Variants in AKAP6 observed in about 807,000 individuals in gnomAD.
AKAP6 encodes A-kinase anchoring protein 6.
In AKAP6, 58 loss-of-function variants were observed where a neutral mutation model predicts 188.5. The ratio of observed to expected loss-of-function variants is 0.31; its 90% CI spans 0.25 to 0.38. The LOEUF (loss-of-function observed/expected upper bound fraction) is 0.38, where lower values mean the gene tolerates loss of function less well. AKAP6 is among the 10% of genes least tolerant of loss of function. The pLI is 1.00. For missense variants in AKAP6, 2,710 were observed against 2,740.0 expected, an observed-to-expected ratio of 0.99 and a Z score of 0.24; for synonymous variants, 989 against 998.6, an observed-to-expected ratio of 0.99 and a Z score of 0.18.
At chr14:32,689,739 A>G (rs1377066859) in intron 8 of AKAP6, among the ~76,000 whole-genome samples, 2 of 152,110 alleles carry the variant, frequency 1.3e-5, no homozygotes, top group Non-Finnish European at 2.9e-5. Flanking sequence ...TATATGACAC[A>G]TGGAGTAGAG....
At chr14:32,826,829 G>T (rs1038229095) in intron 13 of AKAP6, among the ~76,000 whole-genome samples, 5 of 152,188 alleles carry the variant, frequency 3.3e-5, no homozygotes, top group African/African-American at 1.2e-4. Context: ...CAGCCCGTCT[G>T]CCAGTCAGCA....
intron 12 of AKAP6, among the ~76,000 whole-genome samples, chr14:32,780,078 T>C (rs540349829): frequency 4.5e-4 from 67 of 150,512 alleles, no homozygotes; most frequent in African/African-American, 1.6e-3. Flanking sequence ...GCTCATTGCA[T>C]CATTATTTAT....
chr14:32,622,328 A>G (rs1427888671), intron 7 of AKAP6, among the ~76,000 whole-genome samples: 3 of 152,202 alleles, frequency 2.0e-5, no homozygotes, highest in Non-Finnish European at 4.4e-5. Flanking sequence ...ATGCTTTGAA[A>G]GAAAACTTTA....
At chr14:32,481,769 A>G (rs1879357527) in intron 2 of AKAP6, among the ~76,000 whole-genome samples, 1 of 152,172 alleles carries the variant, frequency 6.6e-6, no homozygotes, top group Admixed American at 6.5e-5. Flanking sequence ...AAGCTGTAAC[A>G]TCTCCCAGCC....
At chr14:32,437,495 C>A (rs990157241) in intron 2 of AKAP6, among the ~76,000 whole-genome samples, 3 of 152,140 alleles carry the variant, frequency 2.0e-5, no homozygotes, top group Non-Finnish European at 4.4e-5. Context: ...TCTGTCTCAG[C>A]TCTTTAATTA....
chr14:32,521,223 C>A (rs964709116), intron 2 of AKAP6, among the ~76,000 whole-genome samples: 1 of 152,070 alleles, frequency 6.6e-6, no homozygotes, highest in Non-Finnish European at 1.5e-5. Flanking sequence ...AACTCACAGC[C>A]AATATCATAC....
intron 1 of AKAP6, among the ~76,000 whole-genome samples, chr14:32,379,311 G>A (rs1054347336): frequency 2.0e-5 from 3 of 152,156 alleles, no homozygotes; most frequent in African/African-American, 7.2e-5. Context: ...GAGCAAGGTA[G>A]AAAGCTATTT....
chr14:32,745,850 G>A lies in AKAP6; in HGVS notation c.3372+9968G>A, dbSNP rs117512302. 4.8e-3 allele frequency among the ~76,000 whole-genome samples: 732 copies of A among 152,248 alleles called. 5 individuals are homozygous for A. Among genetic ancestry groups the A allele is most frequent in the Non-Finnish European group, 8.0e-3 (541 of 68,010 alleles). ...GCCTTAGAAGTCTACCAGGTGTTCT[G>A]TTTTACTGTGGCTGCACTGGCACTC... On this transcript the variant is annotated intron_variant, in intron 11 of 13. Coordinates refer to ENST00000280979, the MANE Select transcript of AKAP6 (RefSeq NM_004274.5).
chr14:32,490,722 G>A (rs544618584), intron 2 of AKAP6, among the ~76,000 whole-genome samples: 30 of 152,186 alleles, frequency 2.0e-4, no homozygotes, highest in African/African-American at 7.2e-4. Flanking sequence ...AAGACCTTGA[G>A]GGGGAAAATG....
At chr14:32,701,137 A>C (rs1890605222) in intron 9 of AKAP6, among the ~76,000 whole-genome samples, 1 of 152,196 alleles carries the variant, frequency 6.6e-6, no homozygotes, top group South Asian at 2.1e-4. Flanking sequence ...AAACAGATCA[A>C]TTACATTTTT....
intron 2 of AKAP6, among the ~76,000 whole-genome samples, chr14:32,472,930 A>G (rs186862642): frequency 1.3e-5 from 2 of 152,362 alleles, no homozygotes; most frequent in Admixed American, 1.3e-4. Flanking sequence ...CCTAATGCTT[A>G]GAAATGTTTG....
In AKAP6 at chr14:32,436,635, A is replaced by G. The variant is rs549846926; in HGVS notation, c.324+2818A>G. On this transcript the variant is annotated intron_variant, in intron 2 of 13. Coordinates refer to ENST00000280979, the MANE Select transcript of AKAP6 (RefSeq NM_004274.5). Reference sequence around the variant, plus strand: ...CAGTTTATTCTCCACCCAGTAGCCAATGGGATCTTTTAAATACGTAAACAA... The same window carrying G: ...CAGTTTATTCTCCACCCAGTAGCCAGTGGGATCTTTTAAATACGTAAACAA... 5.9e-5 allele frequency among the ~76,000 whole-genome samples: 9 copies of G among 152,256 alleles called. No individual in the cohort carries two copies. In the South Asian group the frequency reaches 1.9e-3, roughly 32 times the overall value.
At position 32,678,309 on chromosome 14, in the gene AKAP6, A is replaced by T. The variant is rs1406648033; in HGVS notation, c.2731-2A>T. On this transcript the variant is annotated splice_acceptor_variant, in intron 7 of 13. Coordinates refer to ENST00000280979, the MANE Select transcript of AKAP6 (RefSeq NM_004274.5). LOFTEE classifies it high-confidence loss of function. Reference sequence around the variant, plus strand: ...GCAATTTCTCTTTGTTTCTCTTTCCAGGCTGAGGTTCAACTATGCTACCTG... The same window carrying T: ...GCAATTTCTCTTTGTTTCTCTTTCCTGGCTGAGGTTCAACTATGCTACCTG... 4 of 1,605,046 alleles carry T rather than the reference A, an allele frequency of 2.5e-6. No individual in the cohort carries two copies. Among genetic ancestry groups the T allele is most frequent in the African/African-American group, 2.7e-5 (2 of 74,908 alleles).
At chr14:32,773,648 C>G (rs2139993052) in intron 11 of AKAP6, 30 bp from the exon 12 acceptor site, 1 of 1,597,360 alleles carries the variant, frequency 6.3e-7, no homozygotes, top group Non-Finnish European at 8.6e-7. Context: ...CCTATAAACA[C>G]TCATAGATTG....
chr14:32,492,754 T>C (rs549366303), intron 2 of AKAP6, among the ~76,000 whole-genome samples: 2 of 152,238 alleles, frequency 1.3e-5, no homozygotes, highest in East Asian at 3.9e-4. Flanking sequence ...TAAAATCTAG[T>C]GATGAAAAAA....
At chr14:32,609,172 C>A (rs2139377187) in intron 7 of AKAP6, among the ~76,000 whole-genome samples, 1 of 152,238 alleles carries the variant, frequency 6.6e-6, no homozygotes, top group South Asian at 2.1e-4. Flanking sequence ...CACACCTGCA[C>A]TCAGCACCCT....
At position 32,762,835 on chromosome 14, in the gene AKAP6, A is replaced by G. The variant is rs193275247; in HGVS notation, c.3373-10843A>G. On this transcript the variant is annotated intron_variant, in intron 11 of 13. Transcript: ENST00000280979. ...TCAACTTGATTGGTGAGTATACCAG[A>G]TGGCAAGAAAAATTAAGATCTTTAG... 3.3e-5 allele frequency among the ~76,000 whole-genome samples: 5 copies of G among 152,212 alleles called. No individual in the cohort carries two copies. The East Asian group carries it at 9.6e-4, about 29-fold the overall frequency.
At chr14:32,772,253 C>G (rs1416372279) in intron 11 of AKAP6, among the ~76,000 whole-genome samples, 3 of 152,168 alleles carry the variant, frequency 2.0e-5, no homozygotes, top group Non-Finnish European at 4.4e-5. Flanking sequence ...CAATTAATAG[C>G]AGCAGTAAAG....
At chr14:32,710,404 T>C (rs1890996625) in intron 9 of AKAP6, among the ~76,000 whole-genome samples, 1 of 152,056 alleles carries the variant, frequency 6.6e-6, no homozygotes, top group Non-Finnish European at 1.5e-5. Context: ...TTTTCATGCT[T>C]GCTTACATCT....
Sources: gnomAD v4.1 joint callset for allele counts (sites outside exome capture counted in the v4.1 genomes callset) on GRCh38, gnomAD v4.1.1 for gene constraint, MANE v1.5 for transcripts, NCBI Gene and HGNC (gene_info 2026-07-23, HGNC 2026-07-21) for gene names.